The following SVEP1 variants were observed in gnomAD, a reference collection of about 807,000 sequenced individuals.
SVEP1 encodes sushi, von Willebrand factor type A, EGF and pentraxin domain containing 1.
In SVEP1, 164 loss-of-function variants were observed where a neutral mutation model predicts 367.3. That is an observed-to-expected ratio of 0.45 (90% CI 0.39 to 0.51). The LOEUF is 0.51. SVEP1 is among the 20% of genes least tolerant of loss of function. SVEP1 has a pLI of 0.00. For missense variants in SVEP1, 4,117 were observed against 4,425.3 expected (o/e 0.93, Z 1.98); for synonymous variants, 1,666 against 1,611.6 (o/e 1.03, Z -0.81).
intron 1 of SVEP1, among the ~76,000 whole-genome samples, chr9:110,578,686 T>C (rs1588116440): frequency 6.6e-6 from 1 of 152,320 alleles, no homozygotes; most frequent in East Asian, 1.9e-4. Context: ...TTGTAAACCA[T>C]GCTCACCTGT....
intron 39 of SVEP1, among the ~76,000 whole-genome samples, chr9:110,402,120 T>C (rs1827872348): frequency 6.6e-6 from 1 of 152,156 alleles, no homozygotes; most frequent in South Asian, 2.1e-4. Context: ...TTGTTTTCTT[T>C]TGCTATATGT....
chr9:110,545,896 A>G (rs1226782012), intron 3 of SVEP1, among the ~76,000 whole-genome samples: 4 of 152,138 alleles, frequency 2.6e-5, no homozygotes, highest in Non-Finnish European at 5.9e-5. Flanking sequence ...TCAGACACCC[A>G]AACACATAAG....
intron 8 of SVEP1, among the ~76,000 whole-genome samples, chr9:110,490,427 A>C (rs913031663): frequency 1.3e-5 from 2 of 152,142 alleles, no homozygotes; most frequent in African/African-American, 4.8e-5. Flanking sequence ...ACAAGGTCTT[A>C]TGACTTCTAT....
At chr9:110,519,379 T>C (rs1485203735) in intron 3 of SVEP1, among the ~76,000 whole-genome samples, 1 of 152,194 alleles carries the variant, frequency 6.6e-6, no homozygotes, top group African/African-American at 2.4e-5. Context: ...TTTCTTTCCC[T>C]TTCCTATCTT....
intron 30 of SVEP1, among the ~76,000 whole-genome samples, chr9:110,433,415 G>A (rs1828384879): frequency 7.0e-6 from 1 of 142,024 alleles, no homozygotes. Flanking sequence ...GGTAACAGGT[G>A]CTTATCTAAA....
intron 47 of SVEP1, among the ~76,000 whole-genome samples, chr9:110,367,409 TTGC>T (rs10571236): frequency 0.46 from 69,678 of 151,780 alleles, 16,467 homozygotes; most frequent in Middle Eastern, 0.61. Context: ...AGTGATCCGC[TTGC>T]TGCCTTGGCT....
intron 34 of SVEP1, among the ~76,000 whole-genome samples, 181 bp from the exon 35 acceptor site, chr9:110,429,515 C>T (rs1260776102): frequency 6.6e-6 from 1 of 151,504 alleles, no homozygotes; most frequent in East Asian, 1.9e-4. Flanking sequence ...TGTATATCTT[C>T]CCCATAGGGA....
At chr9:110,385,823 A>C in intron 43 of SVEP1, 75 bp downstream of exon 43, 1 of 1,498,562 alleles carries the variant, frequency 6.7e-7, no homozygotes, top group Non-Finnish European at 8.9e-7. Context: ...AAGTGACTTG[A>C]TTGAAAACAA....
chr9:110,558,845 T>C (rs757202554), intron 1 of SVEP1, among the ~76,000 whole-genome samples: 27 of 152,060 alleles, frequency 1.8e-4, no homozygotes, highest in Non-Finnish European at 8.8e-5. Flanking sequence ...AATTCAAATA[T>C]TAAAAGAAAC....
At chr9:110,424,442 T>G (rs1443032363) in intron 36 of SVEP1, among the ~76,000 whole-genome samples, 1 of 152,168 alleles carries the variant, frequency 6.6e-6, no homozygotes, top group Non-Finnish European at 1.5e-5. Flanking sequence ...TATAAATTAA[T>G]AGGATATTTG....
intron 28 of SVEP1, among the ~76,000 whole-genome samples, chr9:110,435,813 A>T (rs1828422492): frequency 1.3e-5 from 2 of 152,232 alleles, no homozygotes; most frequent in South Asian, 2.1e-4. Context: ...ATGTATATGT[A>T]GTATTTTGTT....
intron 1 of SVEP1, among the ~76,000 whole-genome samples, chr9:110,558,897 A>G (rs528657069): frequency 6.6e-6 from 1 of 152,260 alleles, no homozygotes; most frequent in Non-Finnish European, 1.5e-5. Context: ...AAATATAAAT[A>G]TATATTAAAA....
intron 7 of SVEP1, 33 bp downstream of exon 7, chr9:110,499,008 T>C (rs766955861): frequency 1.3e-6 from 2 of 1,582,036 alleles, no homozygotes; most frequent in Non-Finnish European, 8.6e-7. Context: ...ATTAAAAAAT[T>C]TGATTTTTAG....
chr9:110,540,140 T>C (rs1206203524), intron 3 of SVEP1, among the ~76,000 whole-genome samples: 1 of 152,104 alleles, frequency 6.6e-6, no homozygotes, highest in African/African-American at 2.4e-5. Flanking sequence ...CAGTTATTGC[T>C]CTCATCACCA....
intron 16 of SVEP1, among the ~76,000 whole-genome samples, chr9:110,469,347 T>A (rs1202511777): frequency 6.6e-6 from 1 of 152,190 alleles, no homozygotes; most frequent in Non-Finnish European, 1.5e-5. Flanking sequence ...GCTTAAGGCT[T>A]ATATAATGGG....
intron 1 of SVEP1, among the ~76,000 whole-genome samples, chr9:110,567,846 C>T (rs1368126720): frequency 6.6e-6 from 1 of 152,176 alleles, no homozygotes; most frequent in Admixed American, 6.5e-5. Context: ...GCATCTCCGC[C>T]TGAGGGCTTT....
At chr9:110,439,317 C>T (rs1828477649) in intron 27 of SVEP1, among the ~76,000 whole-genome samples, 1 of 152,156 alleles carries the variant, frequency 6.6e-6, no homozygotes, top group African/African-American at 2.4e-5. Flanking sequence ...GGGCTCTCAC[C>T]AGGAACCAAC....
chr9:110,482,521 T>G (rs537831630), intron 10 of SVEP1, 29 bp from the exon 11 acceptor site: 25 of 1,550,588 alleles, frequency 1.6e-5, no homozygotes, highest in African/African-American at 5.5e-5. Flanking sequence ...AGCCAATTTT[T>G]GGGTTGTATT....
At chr9:110,486,837 GT>G (rs1829286205) in intron 9 of SVEP1, among the ~76,000 whole-genome samples, 1 of 151,954 alleles carries the variant, frequency 6.6e-6, no homozygotes, top group South Asian at 2.1e-4. Context: ...TAGAGACAGG[GT>G]TTCAACATGT....
Sources: allele counts gnomAD v4.1 joint callset (sites outside exome capture counted in the v4.1 genomes callset), GRCh38; gene constraint gnomAD v4.1.1; transcripts MANE v1.5; gene names NCBI Gene and HGNC (gene_info 2026-07-23, HGNC 2026-07-21).